PCDHGB1: variants seen among roughly 807,000 people sequenced by gnomAD.
PCDHGB1 encodes the protein protocadherin gamma subfamily B, 1.
PCDHGB1 carries 34 observed loss-of-function variants against 56.6 expected under a neutral mutation model. The ratio of observed to expected loss-of-function variants is 0.60; its 90% confidence interval spans 0.46 to 0.80. PCDHGB1 has a LOEUF of 0.80. Among genes scored for constraint, PCDHGB1 ranks in the 30% least tolerant of loss-of-function variants. The probability of loss-of-function intolerance (pLI) is 0.00; values close to 1 mark genes in which losing one functional copy is unlikely to be tolerated. For synonymous variants in PCDHGB1, 561 were observed against 505.9 expected (o/e 1.11, Z -1.46); for missense variants, 1,278 against 1,204.6 (o/e 1.06, Z -0.90).
chr5:141,486,253 C>G lies in PCDHGB1; in HGVS notation c.2410-8554C>G. On this transcript the variant is annotated intron_variant, in intron 1 of 3. Coordinates refer to ENST00000523390, the MANE Select transcript of PCDHGB1 (RefSeq NM_018922.3). The surrounding 1 kb of genome is among the most constrained non-coding windows in gnomAD (Gnocchi z 5.0). Reference sequence around the variant, plus strand: ...TGACCTCAGAGCTTGGAACCCTCCCCGAGAGTGCAGAACCTGGCACTGTGG... The same window carrying G: ...TGACCTCAGAGCTTGGAACCCTCCCGGAGAGTGCAGAACCTGGCACTGTGG... The G allele has an allele frequency of 6.2e-7, 1 of 1,614,138 alleles. No homozygotes were observed. Among genetic ancestry groups the G allele is most frequent in the East Asian group, 2.2e-5 (1 of 44,866 alleles).
intron 1 of PCDHGB1, chr5:141,360,972 CTCCTT>C: frequency 6.2e-7 from 1 of 1,613,868 alleles, no homozygotes; most frequent in Non-Finnish European, 8.5e-7. Flanking sequence ...AGATCACCTA[CTCCTT>C]TCATAATGTG....
At chr5:141,437,205 A>G (rs1561884114) in intron 1 of PCDHGB1, among the ~76,000 whole-genome samples, 1 of 152,202 alleles carries the variant, frequency 6.6e-6, no homozygotes, top group African/African-American at 2.4e-5. Context: ...ATGTGTTTAC[A>G]TTTATTCTGA....
chr5:141,405,090 C>A, intron 1 of PCDHGB1: 1 of 1,613,950 alleles, frequency 6.2e-7, no homozygotes, highest in Non-Finnish European at 8.5e-7. Flanking sequence ...ACGCTGCTGG[C>A]CCTCAGGCTG....
In PCDHGB1 at chr5:141,489,126, T is replaced by C; in HGVS notation, c.2410-5681T>C. ...TGCAAGCAGGCAAACCTCCGAGCAG[T>C]TTTTAAGAGGCTGGAAGGAGACATA... On this transcript the variant is annotated intron_variant, in intron 1 of 3. Coordinates refer to ENST00000523390, the MANE Select transcript of PCDHGB1 (RefSeq NM_018922.3). This position sits in a 1 kb window ranked among gnomAD's most constrained non-coding sequence, Gnocchi z 4.5. 1.7e-6 allele frequency: 1 copy of C among 585,136 alleles called. No individual in the cohort carries two copies. Among genetic ancestry groups the C allele is most frequent in the South Asian group, 3.2e-5 (1 of 31,406 alleles). The allele number at this position is 585,136 out of a possible 1,614,324, so 36.2% of individuals were successfully genotyped here. A position where few individuals can be genotyped will look rare whatever the true frequency, so the allele number is the denominator to read the frequency against.
At chr5:141,366,466 G>A in intron 1 of PCDHGB1, 1 of 1,614,228 alleles carries the variant, frequency 6.2e-7, no homozygotes, top group Non-Finnish European at 8.5e-7. Context: ...TCGTGCTGCT[G>A]GTGCTCAGAC....
At chr5:141,355,427 C>A (rs778595998) in intron 1 of PCDHGB1, 1 of 1,614,082 alleles carries the variant, frequency 6.2e-7, no homozygotes, top group Admixed American at 1.7e-5. Flanking sequence ...CAGCTTTTCG[C>A]CCTGAACCCG....
At chr5:141,418,013 A>G (rs769578436) in intron 1 of PCDHGB1, 45 of 1,613,788 alleles carry the variant, frequency 2.8e-5, no homozygotes, top group African/African-American at 4.0e-5. Flanking sequence ...GAACCTCGCT[A>G]AGGATCTAGG....
intron 2 of PCDHGB1, among the ~76,000 whole-genome samples, chr5:141,504,341 CTTTGTGCTAGGT>C (rs963088433): frequency 3.9e-5 from 6 of 152,020 alleles, no homozygotes; most frequent in African/African-American, 1.4e-4. Flanking sequence ...AAGTGCTAGG[CTTTGTGCTAGGT>C]GCTTCAGTAG....
chr5:141,372,811 TGA>T (rs1193015568), intron 1 of PCDHGB1: 2 of 1,586,454 alleles, frequency 1.3e-6, no homozygotes, highest in Admixed American at 1.8e-5. Flanking sequence ...TTGCAAAAGG[TGA>T]GTTTCTTCAA....
chr5:141,430,033 C>T (rs556099456), intron 1 of PCDHGB1, among the ~76,000 whole-genome samples: 1 of 152,066 alleles, frequency 6.6e-6, no homozygotes, highest in Non-Finnish European at 1.5e-5. Context: ...AAGTGTGATT[C>T]TGATAATGTA....
intron 1 of PCDHGB1, chr5:141,365,618 C>T: frequency 6.2e-7 from 1 of 1,613,564 alleles, no homozygotes; most frequent in Non-Finnish European, 8.5e-7. Flanking sequence ...CCATGGAACC[C>T]CGCCCCTCTC....
chr5:141,415,076 G>A (rs772523894), intron 1 of PCDHGB1: 3 of 1,613,462 alleles, frequency 1.9e-6, no homozygotes, highest in South Asian at 1.1e-5. Context: ...CGCACGGCGC[G>A]AGCCCTGCTG....
chr5:141,380,372 C>A (rs73265858), intron 1 of PCDHGB1, among the ~76,000 whole-genome samples: 1 of 151,948 alleles, frequency 6.6e-6, no homozygotes. Context: ...AAAAAAAAGT[C>A]CCAAAAAAGA....
At chr5:141,422,171 T>C (rs1204753893) in intron 1 of PCDHGB1, 4 of 1,564,922 alleles carry the variant, frequency 2.6e-6, no homozygotes, top group Non-Finnish European at 3.4e-6. Context: ...AAATATAGAT[T>C]CTATGAGATG....
intron 1 of PCDHGB1, among the ~76,000 whole-genome samples, chr5:141,465,119 A>T (rs2099097382): frequency 6.6e-6 from 1 of 151,780 alleles, no homozygotes; most frequent in Non-Finnish European, 1.5e-5. Flanking sequence ...GTTTTAGCCT[A>T]AATTTGTAAA....
intron 1 of PCDHGB1, chr5:141,378,627 TG>T (rs1588860853): frequency 6.6e-6 from 1 of 152,240 alleles, no homozygotes; most frequent in Admixed American, 6.5e-5. Context: ...GATGACTGAC[TG>T]GTGAATGGGA....
chr5:141,356,558 C>T lies in PCDHGB1; in HGVS notation c.2409+3889C>T, dbSNP rs1307592617. 3 of 1,614,174 alleles carry T rather than the reference C, an allele frequency of 1.9e-6. No homozygotes were observed. In the South Asian group the frequency reaches 3.3e-5, roughly 18 times the overall value. Reference sequence around the variant, plus strand: ...ATCAATGACAACCCACCCACTTTCCCTCATGCTTCCTACTCTGCTTACATT... The same window carrying T: ...ATCAATGACAACCCACCCACTTTCCTTCATGCTTCCTACTCTGCTTACATT... On this transcript the variant is annotated intron_variant, in intron 1 of 3. Transcript: ENST00000523390.
At chr5:141,482,343 A>G (rs1016179369) in intron 1 of PCDHGB1, among the ~76,000 whole-genome samples, 3 of 152,126 alleles carry the variant, frequency 2.0e-5, no homozygotes, top group Non-Finnish European at 2.9e-5. Flanking sequence ...TACTTTGCAA[A>G]CTTGTTGTGA....
Position 141,357,576 on chromosome 5 carries a change from G to A in PCDHGB1, c.2409+4907G>A, listed in dbSNP as rs781394563. ...GTTGTGAGAAAAGCGAGCCTCTTCT[G>A]ATAACTCAGGATTTACTTGAAACAA... On this transcript the variant is annotated intron_variant, in intron 1 of 3. Coordinates refer to ENST00000523390, the MANE Select transcript of PCDHGB1 (RefSeq NM_018922.3). 3.1e-6 allele frequency: 5 copies of A among 1,614,056 alleles called. No homozygotes were observed. The African/African-American group carries it at 5.3e-5, about 17-fold the overall frequency.
Sources: allele counts gnomAD v4.1 joint callset (sites outside exome capture counted in the v4.1 genomes callset), GRCh38; gene constraint gnomAD v4.1.1; non-coding constraint Gnocchi (gnomAD v3.1); transcripts MANE v1.5; gene names NCBI Gene and HGNC (gene_info 2026-07-23, HGNC 2026-07-21).